NID2: variants seen among roughly 807,000 people sequenced by gnomAD.
NID2 encodes the protein nidogen-2.
Under a neutral mutation model 145.4 loss-of-function variants are expected in NID2, and 83 were observed. That is an observed-to-expected ratio of 0.57 (90% CI 0.48 to 0.69). NID2 has a LOEUF of 0.69. Ranked by LOEUF, NID2 falls within the 30% of genes least tolerant of loss-of-function variation. NID2 has a pLI of 0.00. For missense variants in NID2, 1,807 were observed against 1,765.7 expected, an observed-to-expected ratio of 1.02 and a Z score of -0.42; for synonymous variants, 739 against 701.3, an observed-to-expected ratio of 1.05 and a Z score of -0.85.
chr14:52,053,522 T>C (rs1892743458), intron 5 of NID2, 57 bp downstream of exon 5: 11 of 1,544,036 alleles, frequency 7.1e-6, no homozygotes, highest in Non-Finnish European at 8.7e-6. Context: ...CACAACGCTA[T>C]GCAAAACCAG....
At chr14:52,025,187 C>A (rs1318457028) in intron 12 of NID2, among the ~76,000 whole-genome samples, 1 of 152,146 alleles carries the variant, frequency 6.6e-6, no homozygotes, top group Non-Finnish European at 1.5e-5. Flanking sequence ...AAGCATCATT[C>A]CCACTGTCAG....
intron 15 of NID2, 35 bp downstream of exon 15, chr14:52,015,019 A>G (rs746047016): frequency 6.5e-7 from 1 of 1,546,520 alleles, no homozygotes; most frequent in African/African-American, 1.4e-5. Flanking sequence ...GGCCTTAGAT[A>G]CAGCTGAGGG....
chr14:52,005,140 G>GCAAAAATCA lies in NID2; in HGVS notation c.*337_*345dup, dbSNP rs1890709905. 5.1e-6 allele frequency: 1 copy of GCAAAAATCA among 196,196 alleles called. No individual in the cohort carries two copies. The highest frequency in any genetic ancestry group is 2.3e-5 in the African/African-American group (1 of 43,094). 12.2% of individuals were successfully genotyped at this position (196,196 alleles called of 1,614,324 possible). A position where few individuals can be genotyped will look rare whatever the true frequency, so the allele number is the denominator to read the frequency against. ...ATTTCTTGGCCAGAAGGAATCCATG[G>GCAAAAATCA]CAAAAATCAGGTTTAGAGTCTTAAA... On this transcript the variant is annotated 3_prime_UTR_variant, in exon 22 of 22. Transcript: ENST00000216286.
intron 2 of NID2, among the ~76,000 whole-genome samples, chr14:52,065,593 C>T (rs1294220252): frequency 1.4e-4 from 17 of 125,382 alleles, no homozygotes; most frequent in Admixed American, 6.0e-4. Flanking sequence ...CATGCTGGTG[C>T]GCTGCACCCA....
At chr14:52,051,255 C>G (rs898965055) in intron 5 of NID2, among the ~76,000 whole-genome samples, 1 of 152,134 alleles carries the variant, frequency 6.6e-6, no homozygotes, top group Non-Finnish European at 1.5e-5. Flanking sequence ...CTTGGTTTAG[C>G]AAGATGACTA....
In NID2 at chr14:52,015,379, T is replaced by C. The variant is rs1434145006; in HGVS notation, c.3029-104A>G. Reference sequence around the variant, plus strand: ...CCCATGCCTGGCCTCCTGGCCTTCCTTCTCCTACTGTCCAGGTCTCAGCCA... The same window carrying C: ...CCCATGCCTGGCCTCCTGGCCTTCCCTCTCCTACTGTCCAGGTCTCAGCCA... On this transcript the variant is annotated intron_variant, in intron 14 of 21. Transcript: ENST00000216286. 5 of 1,092,096 alleles carry C rather than the reference T, an allele frequency of 4.6e-6. No individual in the cohort carries two copies. In the East Asian group the frequency reaches 1.0e-4, roughly 23 times the overall value. The allele number at this position is 1,092,096 out of a possible 1,614,324, so 67.7% of individuals were successfully genotyped here.
At chr14:52,011,857 CT>C in intron 16 of NID2, 174 bp from the exon 17 acceptor site, 1 of 709,492 alleles carries the variant, frequency 1.4e-6, no homozygotes, top group East Asian at 2.6e-5. Flanking sequence ...GGCTCAGCCA[CT>C]TAGTAGCCAT....
chr14:52,036,125 C>T (rs1163365602), intron 9 of NID2, among the ~76,000 whole-genome samples: 2 of 152,158 alleles, frequency 1.3e-5, no homozygotes, highest in Non-Finnish European at 2.9e-5. Context: ...AGAACATTTT[C>T]ATCACCCCCA....
intron 16 of NID2, among the ~76,000 whole-genome samples, chr14:52,013,732 C>T (rs2140351742): frequency 6.6e-6 from 1 of 152,260 alleles, no homozygotes; most frequent in African/African-American, 2.4e-5. Context: ...ACTCCTCTCC[C>T]AGCATCACAC....
At chr14:52,065,768 T>C (rs1408229026) in intron 2 of NID2, among the ~76,000 whole-genome samples, 5 of 122,216 alleles carry the variant, frequency 4.1e-5, no homozygotes, top group African/African-American at 1.4e-4. Context: ...GGTTTTTTGT[T>C]CTTGCGATAG....
Position 52,054,452 on chromosome 14 carries a change from A to G in NID2, c.768-131T>C, listed in dbSNP as rs1227128771. On this transcript the variant is annotated intron_variant, in intron 3 of 21. Coordinates refer to ENST00000216286, the MANE Select transcript of NID2 (RefSeq NM_007361.4). ...CATGGTGGCTCACACTTATAATCCCAGCACTTTGCAAGGCCAAAGTAGGAG... is the reference window on the plus strand; with the variant it reads ...CATGGTGGCTCACACTTATAATCCCGGCACTTTGCAAGGCCAAAGTAGGAG... 1.2e-4 allele frequency: 113 copies of G among 953,332 alleles called. No homozygotes were observed. In the Admixed American group the frequency reaches 3.2e-3, roughly 27 times the overall value. 59.1% of individuals were successfully genotyped at this position (953,332 alleles called of 1,614,324 possible).
At position 52,061,509 on chromosome 14, in the gene NID2, T is replaced by C. The variant is rs545085459; in HGVS notation, c.535-1153A>G. 1.1e-4 allele frequency among the ~76,000 whole-genome samples: 17 copies of C among 152,082 alleles called. 1 individual carries two copies. In the South Asian group the frequency reaches 3.3e-3, roughly 30 times the overall value. On this transcript the variant is annotated intron_variant, in intron 2 of 21. Coordinates refer to ENST00000216286, the MANE Select transcript of NID2 (RefSeq NM_007361.4). ...GTGTAGGACTGGGAAACAGCCATGG[T>C]TGAAATGGTAGGAGAGTCACTGGAG...
intron 16 of NID2, among the ~76,000 whole-genome samples, chr14:52,013,588 C>T (rs543850197): frequency 6.6e-6 from 1 of 152,256 alleles, no homozygotes; most frequent in Non-Finnish European, 1.5e-5. Context: ...TCCACTGTGT[C>T]GATGCCATTC....
At chr14:52,064,355 C>T (rs1297518132) in intron 2 of NID2, among the ~76,000 whole-genome samples, 1 of 152,182 alleles carries the variant, frequency 6.6e-6, no homozygotes, top group Non-Finnish European at 1.5e-5. Flanking sequence ...GTTGAGAGGT[C>T]ACATCTGGTG....
intron 3 of NID2, among the ~76,000 whole-genome samples, chr14:52,059,454 C>G (rs1892956222): frequency 6.6e-6 from 1 of 152,176 alleles, no homozygotes; most frequent in South Asian, 2.1e-4. Flanking sequence ...CACACACCCC[C>G]CAAAAAACCC....
chr14:52,009,078 G>C (rs868840290), intron 18 of NID2: 2 of 152,128 alleles, frequency 1.3e-5, no homozygotes, highest in African/African-American at 4.8e-5. Context: ...TAAATCAGTT[G>C]GGCTACAGAG....
chr14:52,011,575 G>A lies in NID2; in HGVS notation c.3529C>T (p.Pro1177Ser). ...TGACCTGAATTCACGATCGTCTCAGGCTCTGCTCCCAGTTCCAGACCAGCA... is the reference window on the plus strand; with the variant it reads ...TGACCTGAATTCACGATCGTCTCAGACTCTGCTCCCAGTTCCAGACCAGCA... ...SRAGLELGAEPETIVNSGLIS... is the reference protein window; with the variant it reads ...SRAGLELGAESETIVNSGLIS... The change falls in exon 17 of 22, where the codon CCT (proline) becomes TCT (serine). Residue 1177 changes from proline (P) to serine (S), a missense_variant. Coordinates refer to ENST00000216286, the MANE Select transcript of NID2 (RefSeq NM_007361.4). 1.2e-6 allele frequency: 2 copies of A among 1,614,166 alleles called. No individual in the cohort carries two copies. The highest frequency in any genetic ancestry group is 1.7e-6 in the Non-Finnish European group (2 of 1,180,024).
At chr14:52,052,082 T>C (rs144984643) in intron 5 of NID2, among the ~76,000 whole-genome samples, 164 of 152,336 alleles carry the variant, frequency 1.1e-3, no homozygotes, top group African/African-American at 3.5e-3. Flanking sequence ...GAGAAGGCCA[T>C]TCAGGAATGC....
chr14:52,043,345 T>C (rs550436657), intron 5 of NID2, among the ~76,000 whole-genome samples: 1 of 152,292 alleles, frequency 6.6e-6, no homozygotes, highest in East Asian at 1.9e-4. Context: ...CTAACAAATG[T>C]CTTATGTCTA....
Sources: allele counts gnomAD v4.1 joint callset (sites outside exome capture counted in the v4.1 genomes callset), GRCh38; gene constraint gnomAD v4.1.1; transcripts MANE v1.5; gene names NCBI Gene and HGNC (gene_info 2026-07-23, HGNC 2026-07-21).